The following MYO3B variants were observed in gnomAD, a reference collection of about 807,000 sequenced individuals.
The protein encoded by MYO3B is myosin IIIB, also known as myosin-IIIb.
Under a neutral mutation model 174.6 loss-of-function variants are expected in MYO3B, and 156 were observed. The ratio of observed to expected loss-of-function variants is 0.89; its 90% CI spans 0.78 to 1.02. The LOEUF (loss-of-function observed/expected upper bound fraction) is 1.02. Among genes scored for constraint, MYO3B ranks in the 50% least tolerant of loss-of-function variants. The pLI is 0.00. For missense variants in MYO3B, 1,632 were observed against 1,639.4 expected, an observed-to-expected ratio of 1.00 and a Z score of 0.08; for synonymous variants, 563 against 569.1, an observed-to-expected ratio of 0.99 and a Z score of 0.15.
intron 6 of MYO3B, among the ~76,000 whole-genome samples, chr2:170,230,365 T>TTTTTTTTTTGGA (rs1559318980): frequency 9.2e-5 from 13 of 140,850 alleles, no homozygotes; most frequent in African/African-American, 3.8e-4. Context: ...TTTTTTTTAG[T>TTTTTTTTTTGGA]AGAGACGGGG....
At chr2:170,518,766 T>C (rs1435906868) in intron 29 of MYO3B, among the ~76,000 whole-genome samples, 2 of 152,210 alleles carry the variant, frequency 1.3e-5, no homozygotes, top group Non-Finnish European at 2.9e-5. Flanking sequence ...TCTAGTAAGT[T>C]TCCAGGTGAT....
intron 7 of MYO3B, among the ~76,000 whole-genome samples, chr2:170,255,275 A>G (rs1405984870): frequency 6.6e-6 from 1 of 152,138 alleles, no homozygotes; most frequent in African/African-American, 2.4e-5. Flanking sequence ...AATGTCAGTC[A>G]TTGTAGGAGG....
intron 32 of MYO3B, among the ~76,000 whole-genome samples, chr2:170,614,813 G>GAAAGT (rs1345189420): frequency 6.6e-6 from 1 of 152,096 alleles, no homozygotes; most frequent in Non-Finnish European, 1.5e-5. Flanking sequence ...TATCTCTTCT[G>GAAAGT]TCTTTAGAAA....
chr2:170,444,783 A>G (rs2094828348), intron 23 of MYO3B, among the ~76,000 whole-genome samples: 1 of 152,202 alleles, frequency 6.6e-6, no homozygotes, highest in Non-Finnish European at 1.5e-5. Flanking sequence ...TTTTGTTAAA[A>G]ATAATTTTTT....
chr2:170,192,613 CTA>C (rs2092554200), intron 1 of MYO3B, among the ~76,000 whole-genome samples: 1 of 150,122 alleles, frequency 6.7e-6, no homozygotes, highest in Non-Finnish European at 1.5e-5. Flanking sequence ...TTTTATTTAT[CTA>C]TTTCTACCTT....
At chr2:170,283,189 C>T (rs564849838) in intron 7 of MYO3B, among the ~76,000 whole-genome samples, 2 of 152,206 alleles carry the variant, frequency 1.3e-5, no homozygotes, top group East Asian at 1.9e-4. Context: ...ATTGTATAGA[C>T]TCTGGGAGCT....
At chr2:170,576,260 T>A (rs1321807893) in intron 32 of MYO3B, among the ~76,000 whole-genome samples, 2 of 152,202 alleles carry the variant, frequency 1.3e-5, no homozygotes, top group Non-Finnish European at 2.9e-5. Flanking sequence ...AGGGGCCTCA[T>A]ATAGTTGAAA....
At chr2:170,264,137 G>T (rs1222158185) in intron 7 of MYO3B, among the ~76,000 whole-genome samples, 1 of 152,224 alleles carries the variant, frequency 6.6e-6, no homozygotes, top group African/African-American at 2.4e-5. Flanking sequence ...CGAGCACAGG[G>T]CTGGGGCTAG....
At chr2:170,219,520 T>A (rs2092868760) in intron 6 of MYO3B, among the ~76,000 whole-genome samples, 1 of 152,050 alleles carries the variant, frequency 6.6e-6, no homozygotes, top group Admixed American at 6.5e-5. Context: ...AGTACACACC[T>A]GTAATTCCAG....
chr2:170,524,723 G>T lies in MYO3B; in HGVS notation c.3575+5183G>T, dbSNP rs149656189. Reference sequence around the variant, plus strand: ...GATCTCGAACTCCTGACGTTCTAGCGATTCGTCCCCCTCAGGCTCCCAAAG... The same window carrying T: ...GATCTCGAACTCCTGACGTTCTAGCTATTCGTCCCCCTCAGGCTCCCAAAG... On this transcript the variant is annotated intron_variant, in intron 30 of 34. Transcript: ENST00000408978. 8.8e-4 allele frequency: 275 copies of T among 312,508 alleles called. 3 individuals are homozygous for T. Among genetic ancestry groups the T allele is most frequent in the African/African-American group, 5.4e-3 (240 of 44,206 alleles). 19.4% of individuals were successfully genotyped at this position (312,508 alleles called of 1,614,324 possible). A position where few individuals can be genotyped will look rare whatever the true frequency, so the allele number is the denominator to read the frequency against.
chr2:170,649,383 T>TAAA (rs1491513713), intron 32 of MYO3B, among the ~76,000 whole-genome samples: 4,696 of 61,634 alleles, frequency 0.076, 510 homozygotes, highest in Non-Finnish European at 0.11. Context: ...TATAAATATA[T>TAAA]TATATAAAAA....
At chr2:170,474,373 A>C (rs1278116001) in intron 25 of MYO3B, among the ~76,000 whole-genome samples, 1 of 151,988 alleles carries the variant, frequency 6.6e-6, no homozygotes, top group African/African-American at 2.4e-5. Flanking sequence ...CCAGGGATGG[A>C]GTCAACCCCA....
chr2:170,530,783 C>G (rs1194873274), intron 30 of MYO3B, among the ~76,000 whole-genome samples: 1 of 152,146 alleles, frequency 6.6e-6, no homozygotes. Flanking sequence ...TTCACCTAAG[C>G]TCATTCTCAG....
chr2:170,483,272 A>G (rs1451472396), intron 25 of MYO3B, among the ~76,000 whole-genome samples: 2 of 152,200 alleles, frequency 1.3e-5, no homozygotes, highest in Non-Finnish European at 2.9e-5. Context: ...AAACAAGAGA[A>G]AAGACATTAT....
chr2:170,297,155 A>G (rs1336464600), intron 7 of MYO3B, among the ~76,000 whole-genome samples: 2 of 152,316 alleles, frequency 1.3e-5, no homozygotes, highest in East Asian at 1.9e-4. Context: ...TTGATCTTCA[A>G]TAAACTTTTA....
chr2:170,381,933 T>C lies in MYO3B; in HGVS notation c.972-83T>C, dbSNP rs2105735393. 3.6e-6 allele frequency: 4 copies of C among 1,122,502 alleles called. No homozygotes were observed. The South Asian group carries it at 3.9e-5, about 11-fold the overall frequency. 69.5% of individuals were successfully genotyped at this position (1,122,502 alleles called of 1,614,324 possible). On this transcript the variant is annotated intron_variant, in intron 9 of 34. Coordinates refer to ENST00000408978, the MANE Select transcript of MYO3B (RefSeq NM_138995.5). Reference sequence around the variant, plus strand: ...TCTCTGAACATATCACGTGATAAGATTGTGAATGAGCCATGCTTGCTGCCC... The same window carrying C: ...TCTCTGAACATATCACGTGATAAGACTGTGAATGAGCCATGCTTGCTGCCC...
chr2:170,517,718 G>T (rs1444025472), intron 29 of MYO3B, among the ~76,000 whole-genome samples: 1 of 152,014 alleles, frequency 6.6e-6, no homozygotes, highest in African/African-American at 2.4e-5. Context: ...CCCTGAAGTG[G>T]GTTCCCCTTT....
chr2:170,403,772 A>G (rs1302104756), intron 19 of MYO3B, among the ~76,000 whole-genome samples: 1 of 152,202 alleles, frequency 6.6e-6, no homozygotes, highest in East Asian at 1.9e-4. Flanking sequence ...GGAGCTGGAT[A>G]AATCTGTATA....
intron 30 of MYO3B, among the ~76,000 whole-genome samples, chr2:170,528,438 G>T (rs887184920): frequency 6.6e-6 from 1 of 152,048 alleles, no homozygotes; most frequent in Non-Finnish European, 1.5e-5. Flanking sequence ...ATGGAGTTTC[G>T]CTCTATCGCC....
Sources: allele counts gnomAD v4.1 joint callset (sites outside exome capture counted in the v4.1 genomes callset), GRCh38; gene constraint gnomAD v4.1.1; transcripts MANE v1.5; gene names NCBI Gene and HGNC (gene_info 2026-07-23, HGNC 2026-07-21).